XRRA1: variants seen among roughly 807,000 people sequenced by gnomAD.
The protein encoded by XRRA1 is X-ray radiation resistance-associated protein 1.
A neutral mutation model predicts 80.2 loss-of-function variants in XRRA1; 69 were observed. The ratio of observed to expected loss-of-function variants is 0.86; its 90% CI spans 0.71 to 1.05. The LOEUF (loss-of-function observed/expected upper bound fraction) is 1.05. XRRA1 is among the 50% of genes least tolerant of loss of function. XRRA1 has a pLI of 0.00. For missense variants in XRRA1, 967 were observed against 976.4 expected, an observed-to-expected ratio of 0.99 and a Z score of 0.13; for synonymous variants, 348 against 389.9, an observed-to-expected ratio of 0.89 and a Z score of 1.27.
chr11:74,895,436 C>G (rs1802055641), intron 10 of XRRA1, among the ~76,000 whole-genome samples: 2 of 152,248 alleles, frequency 1.3e-5, no homozygotes, highest in Admixed American at 1.3e-4. Flanking sequence ...TCTTGGCCAG[C>G]CTTGCCACCA....
chr11:74,866,482 C>T (rs1396374942), intron 10 of XRRA1, among the ~76,000 whole-genome samples: 1 of 151,910 alleles, frequency 6.6e-6, no homozygotes, highest in Non-Finnish European at 1.5e-5. Context: ...TCTTGAACTC[C>T]TGGGCTCAAG....
intron 17 of XRRA1, 32 bp downstream of exon 17, chr11:74,844,136 C>A (rs751471494): frequency 1.3e-6 from 2 of 1,591,338 alleles, no homozygotes. Flanking sequence ...TACTCAGGGG[C>A]CATTTACACA....
Position 74,862,956 on chromosome 11 carries a change from CAAATAT to C in XRRA1, c.1044+19_1044+24del. The C allele has an allele frequency of 6.4e-7, 1 of 1,561,130 alleles. No individual in the cohort carries two copies. The highest frequency in any genetic ancestry group is 2.3e-5 in the East Asian group (1 of 43,750). On this transcript the variant is annotated intron_variant, in intron 11 of 18. Coordinates refer to ENST00000684022, the MANE Select transcript of XRRA1 (RefSeq NM_001378157.1). ...AAATTAATGTTCTAACTCAGGAACA[CAAATAT>C]AAAGTAGTCAGTTCCTACCTCTGAG...
chr11:74,844,531 T>C (rs368501726), intron 16 of XRRA1, among the ~76,000 whole-genome samples: 18 of 152,276 alleles, frequency 1.2e-4, no homozygotes, highest in East Asian at 7.7e-4. Flanking sequence ...GTAAATAGTA[T>C]TGGAGTGGGG....
chr11:74,915,085 C>T (rs1309152274), intron 8 of XRRA1, among the ~76,000 whole-genome samples: 1 of 152,180 alleles, frequency 6.6e-6, no homozygotes, highest in Non-Finnish European at 1.5e-5. Flanking sequence ...TATAGCCCCA[C>T]ACAGGAGTGA....
rs1433711726 is a variant in XRRA1 at position 74,906,251 on chromosome 11, C to T, written c.991G>A (p.Val331Ile). ...DYTVLPMKKD[V>I]DRTEVVFSSY... The stretch of plus-strand genomic sequence containing the variant: ...GGGTGTCACTCACCTGTCCGGTCAA[C>T]ATCCTTTTTCATGGGCAGTACAGTA... The change falls in exon 10 of 19, where the codon GTT (valine) becomes ATT (isoleucine). Residue 331 changes from valine to isoleucine, a missense_variant. By Grantham distance (29) the Val-to-Ile change is conservative. Coordinates refer to ENST00000684022, the MANE Select transcript of XRRA1 (RefSeq NM_001378157.1). The T allele has an allele frequency of 6.2e-7, 1 of 1,613,814 alleles. No individual in the cohort carries two copies. The highest frequency in any genetic ancestry group is 8.5e-7 in the Non-Finnish European group (1 of 1,179,820).
intron 10 of XRRA1, among the ~76,000 whole-genome samples, chr11:74,874,322 C>T (rs1405299530): frequency 6.6e-6 from 1 of 150,580 alleles, no homozygotes; most frequent in Non-Finnish European, 1.5e-5. Flanking sequence ...GCTCAAAAGG[C>T]CTTTAATTAG....
chr11:74,843,184 G>GC lies in XRRA1; in HGVS notation c.*15dup. ...GGGCACAGGCCGGGTGGTGCACACA[G>GC]CCCCCATGCACAGCTCTAGCCTTGT... On this transcript the variant is annotated 3_prime_UTR_variant, in exon 19 of 19. Transcript: ENST00000684022. 1.3e-6 allele frequency: 2 copies of GC among 1,544,918 alleles called. No homozygotes were observed. Among genetic ancestry groups the GC allele is most frequent in the Non-Finnish European group, 1.8e-6 (2 of 1,142,606 alleles).
At position 74,906,423 on chromosome 11, in the gene XRRA1, A is replaced by G. The variant is rs1242661608; in HGVS notation, c.819T>C (p.Ile273=). The change falls in exon 10 of 19, where the codon ATT becomes ATC. Residue 273 remains isoleucine (I), a synonymous_variant. Transcript: ENST00000684022. ...LKKLSLDENR[I]IRIPYLQQVQ... is the part of the protein sequence containing the mutation. ...CTTGCTGTAGGTATGGGATCCTGAT[A>G]ATCCTGTTTTCATCCAAGCTTAACT... 2 of 1,614,000 alleles carry G rather than the reference A, an allele frequency of 1.2e-6. No individual in the cohort carries two copies.
intron 6 of XRRA1, 32 bp downstream of exon 6, chr11:74,930,268 G>A: frequency 6.6e-7 from 1 of 1,513,942 alleles, no homozygotes; most frequent in Non-Finnish European, 9.0e-7. Flanking sequence ...GCTAAGAGGA[G>A]GAAGAGAGCT....
intron 12 of XRRA1, among the ~76,000 whole-genome samples, chr11:74,853,475 C>T (rs552549316): frequency 1.3e-5 from 2 of 152,278 alleles, no homozygotes; most frequent in African/African-American, 4.8e-5. Flanking sequence ...CCCTCCTGTA[C>T]CTCTTCTACT....
chr11:74,863,269 G>A, intron 10 of XRRA1: 1 of 516,116 alleles, frequency 1.9e-6, no homozygotes, highest in African/African-American at 1.9e-5. Context: ...TGCATGATTG[G>A]GCCCCTGCCT....
Position 74,930,315 on chromosome 11 carries a change from T to C in XRRA1, c.409A>G (p.Asn137Asp), listed in dbSNP as rs1318437558. The change falls in exon 6 of 19, where the codon AAC (asparagine) becomes GAC (aspartate). Residue 137 changes from asparagine to aspartate, a missense_variant. Physicochemically the swap from Asn to Asp is conservative, Grantham distance 23. Transcript: ENST00000684022. Reference sequence around the variant, plus strand: ...AAAAGCTTACCTAGAGGCAGCAGGTTTTCTGAGGCATTGATATAAATCACA... The same window carrying C: ...AAAAGCTTACCTAGAGGCAGCAGGTCTTCTGAGGCATTGATATAAATCACA... ...HSVIYINASE[N>D]LLPLEAFHTF... 3.2e-6 allele frequency: 5 copies of C among 1,570,860 alleles called. No individual in the cohort carries two copies. Among genetic ancestry groups the C allele is most frequent in the Non-Finnish European group, 4.3e-6 (5 of 1,156,446 alleles).
At chr11:74,905,587 C>G (rs114454496) in intron 10 of XRRA1, among the ~76,000 whole-genome samples, 3,168 of 152,188 alleles carry the variant, frequency 0.021, 129 homozygotes, top group African/African-American at 0.072. Flanking sequence ...CCTGTGAATG[C>G]CACTGGAATA....
intron 3 of XRRA1, among the ~76,000 whole-genome samples, chr11:74,938,896 T>C (rs115567688): frequency 8.3e-4 from 126 of 152,284 alleles, no homozygotes; most frequent in African/African-American, 2.7e-3. Flanking sequence ...CCTACCTATC[T>C]CCTACTAGTC....
chr11:74,889,751 A>G (rs978020815), intron 10 of XRRA1, among the ~76,000 whole-genome samples: 24 of 152,362 alleles, frequency 1.6e-4, no homozygotes, highest in Admixed American at 3.9e-4. Context: ...AGGGGTTGCA[A>G]TTCTAGTCTC....
chr11:74,877,874 T>A (rs1039572019), intron 10 of XRRA1, among the ~76,000 whole-genome samples: 5 of 152,138 alleles, frequency 3.3e-5, no homozygotes, highest in African/African-American at 1.2e-4. Context: ...GTTGGACATT[T>A]GGGTTGGTTC....
chr11:74,845,311 C>A, intron 15 of XRRA1, 40 bp from the exon 16 acceptor site: 1 of 1,555,546 alleles, frequency 6.4e-7, no homozygotes, highest in South Asian at 1.2e-5. Flanking sequence ...GTCACTCATT[C>A]ATTCATTCAT....
intron 12 of XRRA1, among the ~76,000 whole-genome samples, chr11:74,858,020 TTAAC>T (rs1319999750): frequency 3.9e-5 from 6 of 152,196 alleles, no homozygotes; most frequent in South Asian, 4.1e-4. Context: ...TCTAAATCAA[TTAAC>T]TAAAGTTATA....
Sources: allele counts gnomAD v4.1 joint callset (sites outside exome capture counted in the v4.1 genomes callset), GRCh38; gene constraint gnomAD v4.1.1; transcripts MANE v1.5; gene names NCBI Gene and HGNC (gene_info 2026-07-23, HGNC 2026-07-21).